STARD13: variants seen among roughly 807,000 people sequenced by gnomAD.
STARD13 encodes stAR-related lipid transfer protein 13.
Under a neutral mutation model 106.4 loss-of-function variants are expected in STARD13, and 62 were observed. The ratio of observed to expected loss-of-function variants is 0.58; its 90% CI spans 0.48 to 0.72. The LOEUF is 0.72. STARD13 is among the 30% of genes least tolerant of loss of function. The pLI is 0.00. For synonymous variants in STARD13, 565 were observed against 553.0 expected, an observed-to-expected ratio of 1.02 and a Z score of -0.31; for missense variants, 1,387 against 1,424.0, an observed-to-expected ratio of 0.97 and a Z score of 0.42.
chr13:33,185,594 AT>A (rs1885680087), intron 1 of STARD13, among the ~76,000 whole-genome samples: 1 of 152,144 alleles, frequency 6.6e-6, no homozygotes, highest in South Asian at 2.1e-4. Context: ...ATAGTTGGCA[AT>A]GGTGCTAAAC....
chr13:33,511,316 A>C, the STARD13 span: 1 of 152,080 alleles, frequency 6.6e-6, no homozygotes, highest in Non-Finnish European at 1.5e-5. Flanking sequence ...CCATCTCAAA[A>C]AAAAAAAAGT....
At chr13:33,372,525 T>C in the STARD13 span, among the ~76,000 whole-genome samples, 4 of 151,588 alleles carry the variant, frequency 2.6e-5, no homozygotes, top group African/African-American at 4.8e-5. Context: ...TGACCTTTCA[T>C]TGGAAAAAAA....
At chr13:33,353,996 G>A (rs1031393040), upstream of STARD13, among the ~76,000 whole-genome samples, 2 of 152,172 alleles carry the variant, frequency 1.3e-5, no homozygotes, top group African/African-American at 4.8e-5. Context: ...GCCATGTATT[G>A]TTTCCCTTCC....
intron 1 of STARD13, among the ~76,000 whole-genome samples, chr13:33,309,120 C>T (rs191814213): frequency 6.6e-6 from 1 of 152,168 alleles, no homozygotes; most frequent in Non-Finnish European, 1.5e-5. Flanking sequence ...TGGATGTGTA[C>T]AAGGCATGAC....
At chr13:33,370,745 A>G in the STARD13 span, among the ~76,000 whole-genome samples, 1 of 150,870 alleles carries the variant, frequency 6.6e-6, no homozygotes, top group Admixed American at 6.6e-5. Context: ...CAGCCTCCCA[A>G]GTGGCTGGGA....
intron 3 of STARD13, among the ~76,000 whole-genome samples, chr13:33,155,137 C>A (rs992079713): frequency 2.0e-5 from 3 of 152,112 alleles, no homozygotes; most frequent in African/African-American, 7.2e-5. Flanking sequence ...CAGCTCCGGG[C>A]CGGGCACCCT....
intron 1 of STARD13, among the ~76,000 whole-genome samples, chr13:33,318,906 C>G (rs1893444249): frequency 6.6e-6 from 1 of 152,066 alleles, no homozygotes; most frequent in African/African-American, 2.4e-5. Flanking sequence ...TGGACAATAA[C>G]AAGTGTTGAT....
chr13:33,464,010 TC>T, the STARD13 span, among the ~76,000 whole-genome samples: 1 of 139,544 alleles, frequency 7.2e-6, no homozygotes, highest in African/African-American at 2.6e-5. Context: ...AGACTCCGTC[TC>T]AAAAAAAAAA....
At chr13:33,459,007 T>A in the STARD13 span, among the ~76,000 whole-genome samples, 2 of 152,074 alleles carry the variant, frequency 1.3e-5, no homozygotes, top group African/African-American at 4.8e-5. Flanking sequence ...CCTCCCAAAG[T>A]GCTGGGATTA....
chr13:33,527,726 T>A, the STARD13 span, among the ~76,000 whole-genome samples: 1 of 151,838 alleles, frequency 6.6e-6, no homozygotes, highest in African/African-American at 2.4e-5. Flanking sequence ...AGGACATTTC[T>A]GAAATAATTA....
At chr13:33,149,622 A>G (rs1347138895) in intron 3 of STARD13, among the ~76,000 whole-genome samples, 1 of 152,196 alleles carries the variant, frequency 6.6e-6, no homozygotes, top group African/African-American at 2.4e-5. Flanking sequence ...AAAATAGTCT[A>G]TGGTTGTCTG....
chr13:33,301,866 C>A (rs936961734), intron 1 of STARD13, among the ~76,000 whole-genome samples: 3 of 120,456 alleles, frequency 2.5e-5, no homozygotes, highest in African/African-American at 8.3e-5. Flanking sequence ...CCGCGCCCGG[C>A]CTCCACCTTG....
chr13:33,336,026 C>T (rs1211012313), intron 1 of STARD13, among the ~76,000 whole-genome samples: 1 of 152,156 alleles, frequency 6.6e-6, no homozygotes, highest in Non-Finnish European at 1.5e-5. Context: ...TCATTGTGCA[C>T]CTCCTGTATA....
At chr13:33,133,124 T>A (rs961137814) in intron 4 of STARD13, among the ~76,000 whole-genome samples, 3 of 152,120 alleles carry the variant, frequency 2.0e-5, no homozygotes, top group Non-Finnish European at 4.4e-5. Flanking sequence ...AACTACAACA[T>A]TTAGTGTTGG....
chr13:33,571,748 C>A, the STARD13 span, among the ~76,000 whole-genome samples: 1 of 152,134 alleles, frequency 6.6e-6, no homozygotes. Flanking sequence ...TGCTTTGTAC[C>A]AGATGCCTGT....
rs1219291027 is a variant in STARD13 at position 33,104,002 on chromosome 13, G to A, written c.*1591C>T. ...TCGCACCATACCAAACTCATAGAAA[G>A]CTTTTTTATTCCTCTCAATAAAATA... On this transcript the variant is annotated 3_prime_UTR_variant, in exon 14 of 14. Transcript: ENST00000336934. The A allele has an allele frequency of 6.6e-6, 1 of 152,106 alleles. No homozygotes were observed. The highest frequency in any genetic ancestry group is 1.5e-5 in the Non-Finnish European group (1 of 68,006). 9.4% of individuals were successfully genotyped at this position (152,106 alleles called of 1,614,324 possible).
At chr13:33,661,585 G>A in the STARD13 span, among the ~76,000 whole-genome samples, 1 of 152,180 alleles carries the variant, frequency 6.6e-6, no homozygotes, top group African/African-American at 2.4e-5. Context: ...TTACAGTCAT[G>A]GCAGAAGGCA....
the STARD13 span, among the ~76,000 whole-genome samples, chr13:33,489,757 A>G: frequency 6.6e-6 from 1 of 152,214 alleles, no homozygotes; most frequent in Non-Finnish European, 1.5e-5. Flanking sequence ...ACAGCGACGC[A>G]CCATGGGGCT....
chr13:33,607,505 C>A, the STARD13 span, among the ~76,000 whole-genome samples: 283 of 152,056 alleles, frequency 1.9e-3, 3 homozygotes, highest in African/African-American at 6.3e-3. Flanking sequence ...ACTGTCTTAG[C>A]CAGGATGGTC....
Sources: gnomAD v4.1 joint callset for allele counts (sites outside exome capture counted in the v4.1 genomes callset) on GRCh38, gnomAD v4.1.1 for gene constraint, MANE v1.5 for transcripts, NCBI Gene and HGNC (gene_info 2026-07-23, HGNC 2026-07-21) for gene names.